The following NRG3 variants were observed in gnomAD, a reference collection of about 807,000 sequenced individuals.
NRG3 encodes the protein neuregulin 3.
A neutral mutation model predicts 66.9 loss-of-function variants in NRG3; 31 were observed. The ratio of observed to expected loss-of-function variants is 0.46; its 90% CI spans 0.35 to 0.63. The LOEUF is 0.63. NRG3 is among the 20% of genes least tolerant of loss of function. The pLI is 0.00. For missense variants in NRG3, 910 were observed against 878.9 expected (o/e 1.04, Z -0.45); for synonymous variants, 393 against 359.4 (o/e 1.09, Z -1.06).
intron 1 of NRG3, among the ~76,000 whole-genome samples, chr10:82,032,172 CTGTT>C (rs1006598131): frequency 1.4e-5 from 2 of 147,854 alleles, no homozygotes; most frequent in African/African-American, 5.0e-5. Flanking sequence ...TTATATGCTT[CTGTT>C]TAAGAGTCAT....
intron 2 of NRG3, among the ~76,000 whole-genome samples, chr10:82,410,573 T>C (rs1279409896): frequency 6.6e-6 from 1 of 151,298 alleles, no homozygotes; most frequent in Non-Finnish European, 1.5e-5. Flanking sequence ...GAATGACTGA[T>C]AATAGGTATG....
At chr10:82,742,065 T>G (rs1355510531) in intron 3 of NRG3, among the ~76,000 whole-genome samples, 1 of 151,994 alleles carries the variant, frequency 6.6e-6, no homozygotes, top group Non-Finnish European at 1.5e-5. Flanking sequence ...CTCCCTCCAT[T>G]TTTTCTCTTC....
chr10:81,932,210 A>AAG (rs55799004), intron 1 of NRG3, among the ~76,000 whole-genome samples: 1,591 of 143,458 alleles, frequency 0.011, 25 homozygotes, highest in African/African-American at 0.034. Context: ...GATTGAGAGA[A>AAG]AGAGAGAGAG....
intron 1 of NRG3, among the ~76,000 whole-genome samples, chr10:82,059,329 G>A (rs1434618768): frequency 1.3e-5 from 2 of 152,118 alleles, no homozygotes; most frequent in African/African-American, 4.8e-5. Context: ...AAGTAACTAT[G>A]GCCTAGTAAA....
intron 1 of NRG3, among the ~76,000 whole-genome samples, chr10:82,023,475 A>C (rs1002345103): frequency 6.6e-6 from 1 of 152,022 alleles, no homozygotes; most frequent in Non-Finnish European, 1.5e-5. Context: ...CCTATTCAGT[A>C]AGATGTTAAC....
chr10:82,117,868 A>G (rs1284016715), intron 1 of NRG3, among the ~76,000 whole-genome samples: 1 of 152,114 alleles, frequency 6.6e-6, no homozygotes, highest in African/African-American at 2.4e-5. Flanking sequence ...ATTTGTTTTC[A>G]TTGCCATTGT....
chr10:82,307,774 T>TA (rs1480898471), intron 1 of NRG3, among the ~76,000 whole-genome samples: 1 of 151,978 alleles, frequency 6.6e-6, no homozygotes, highest in Non-Finnish European at 1.5e-5. Context: ...TCCTGTCATT[T>TA]AAAAAAATCT....
At chr10:82,556,248 C>T (rs1293167539) in intron 2 of NRG3, among the ~76,000 whole-genome samples, 1 of 152,134 alleles carries the variant, frequency 6.6e-6, no homozygotes, top group African/African-American at 2.4e-5. Context: ...AGGGCTCCTT[C>T]ACTTTCCTTT....
chr10:82,627,950 A>T (rs1230599797), intron 2 of NRG3, among the ~76,000 whole-genome samples: 1 of 152,184 alleles, frequency 6.6e-6, no homozygotes, highest in African/African-American at 2.4e-5. Context: ...TGCCTCATTT[A>T]ACCTTCACAG....
At chr10:82,803,716 C>T (rs537373771) in intron 3 of NRG3, among the ~76,000 whole-genome samples, 4 of 151,568 alleles carry the variant, frequency 2.6e-5, no homozygotes, top group African/African-American at 7.3e-5. Context: ...CATGATGAAG[C>T]GTAAATATGT....
intron 1 of NRG3, among the ~76,000 whole-genome samples, chr10:82,091,709 T>C (rs2066036446): frequency 6.6e-6 from 1 of 152,172 alleles, no homozygotes; most frequent in Non-Finnish European, 1.5e-5. Context: ...GGTAATTCTA[T>C]TTTTAGTGTT....
chr10:82,377,966 A>G (rs1408688305), intron 2 of NRG3, among the ~76,000 whole-genome samples: 2 of 152,198 alleles, frequency 1.3e-5, no homozygotes, highest in Non-Finnish European at 2.9e-5. Flanking sequence ...CATTTCTTTT[A>G]CTAGGCGTTT....
intron 1 of NRG3, among the ~76,000 whole-genome samples, chr10:82,132,396 A>C (rs1411534153): frequency 2.7e-5 from 4 of 146,954 alleles, no homozygotes; most frequent in Non-Finnish European, 6.0e-5. Flanking sequence ...CCAAGTGGTC[A>C]TGATGAATGA....
Position 82,374,908 on chromosome 10 carries a change from AC to A in NRG3, c.953+16043del, listed in dbSNP as rs201300443. Among the ~76,000 whole-genome samples, 4 of 152,298 alleles carry A rather than the reference AC, an allele frequency of 2.6e-5. No homozygotes were observed. The East Asian group carries it at 7.7e-4, about 29-fold the overall frequency. On this transcript the variant is annotated intron_variant, in intron 2 of 8. Transcript: ENST00000372141. ...AAACGTCTGTTTATCTGTATGAGTTACCCTGCTAGTTCACATACCTACCAAA... is the reference window on the plus strand; with the variant it reads ...AAACGTCTGTTTATCTGTATGAGTTACCTGCTAGTTCACATACCTACCAAA...
intron 1 of NRG3, among the ~76,000 whole-genome samples, chr10:81,912,510 C>G (rs2132766272): frequency 6.6e-6 from 1 of 152,348 alleles, no homozygotes; most frequent in South Asian, 2.1e-4. Flanking sequence ...GCATGAGCCA[C>G]CATGCCCAGC....
chr10:82,139,912 T>TGAG (rs1426556216), intron 1 of NRG3, among the ~76,000 whole-genome samples: 1 of 39,634 alleles, frequency 2.5e-5, no homozygotes, highest in Non-Finnish European at 5.2e-5. Flanking sequence ...AATCACCAGA[T>TGAG]TTGTTAGTCT....
rs1032736166 is a variant in NRG3, at chr10:82,930,937, G to A, written c.1055-20532G>A. ...TGGATGGATTGAGAGAAGCAGGGAG[G>A]CCTTTCCAGGCAGAAGGAACAAAAT... is the stretch of plus-strand genomic sequence containing the variant. On this transcript the variant is annotated intron_variant, in intron 4 of 8. Transcript: ENST00000372141. Among the ~76,000 whole-genome samples the A allele has an allele frequency of 1.2e-4, 18 of 152,154 alleles. 1 individual carries two copies.
intron 2 of NRG3, among the ~76,000 whole-genome samples, chr10:82,406,546 G>C (rs2087535493): frequency 6.6e-6 from 1 of 152,070 alleles, no homozygotes; most frequent in African/African-American, 2.4e-5. Flanking sequence ...ACTCTTAAAG[G>C]TTTCACACCT....
At chr10:82,675,451 G>A (rs751194414) in intron 2 of NRG3, among the ~76,000 whole-genome samples, 43 of 152,154 alleles carry the variant, frequency 2.8e-4, no homozygotes, top group Non-Finnish European at 5.1e-4. Flanking sequence ...CAAAGAACCC[G>A]AAAAGACATT....
Sources: gnomAD v4.1 joint callset for allele counts (sites outside exome capture counted in the v4.1 genomes callset) on GRCh38, gnomAD v4.1.1 for gene constraint, MANE v1.5 for transcripts, NCBI Gene and HGNC (gene_info 2026-07-23, HGNC 2026-07-21) for gene names.